SCYL3: variants seen among roughly 807,000 people sequenced by gnomAD.
SCYL3 encodes protein-associating with the carboxyl-terminal domain of ezrin.
In SCYL3, 35 loss-of-function variants were observed where a neutral mutation model predicts 73.8. That is an observed-to-expected ratio of 0.47 (90% CI 0.36 to 0.63). The LOEUF is 0.63. SCYL3 is among the 20% of genes least tolerant of loss of function. The pLI is 0.00. For synonymous variants in SCYL3, 277 were observed against 295.2 expected, an observed-to-expected ratio of 0.94 and a Z score of 0.63; for missense variants, 712 against 798.9, an observed-to-expected ratio of 0.89 and a Z score of 1.31.
chr1:169,862,684 G>A lies in SCYL3; in HGVS notation c.1069C>T (p.Leu357=). The change falls in exon 10 of 13, where the codon CTG becomes TTG. Residue 357 remains leucine (L), a synonymous_variant. Transcript: ENST00000367771. ...EVHEEHVRMV[L]LSHIEAYVEH... ...ACGTAGGCCTCGATGTGAGACAGCA[G>A]CACCATCCGCACATGCTCTTCATGA... is the stretch of plus-strand genomic sequence containing the variant. The A allele has an allele frequency of 6.2e-7, 1 of 1,614,190 alleles. No individual in the cohort carries two copies.
intron 1 of SCYL3, among the ~76,000 whole-genome samples, chr1:169,893,412 T>C (rs1662222089): frequency 6.6e-6 from 1 of 151,980 alleles, no homozygotes; most frequent in Non-Finnish European, 1.5e-5. Flanking sequence ...CTCGCCCTGC[T>C]TGCCGCGACC....
intron 2 of SCYL3, among the ~76,000 whole-genome samples, chr1:169,879,365 G>A (rs12047936): frequency 0.027 from 4,158 of 152,270 alleles, 210 homozygotes; most frequent in East Asian, 0.22. Context: ...GTGAGTATGA[G>A]GAGGGTATCC....
intron 2 of SCYL3, among the ~76,000 whole-genome samples, chr1:169,880,886 C>T (rs1031360504): frequency 3.9e-5 from 6 of 151,966 alleles, no homozygotes; most frequent in African/African-American, 1.2e-4. Flanking sequence ...CTCAGCCTCC[C>T]GAGTAGCTGG....
chr1:169,874,336 CA>C (rs2102179986), intron 4 of SCYL3, among the ~76,000 whole-genome samples: 1 of 152,286 alleles, frequency 6.6e-6, no homozygotes, highest in East Asian at 1.9e-4. Flanking sequence ...TTTCTGCCCC[CA>C]ATCAGGTGCT....
At chr1:169,883,005 C>G (rs1661405231) in intron 2 of SCYL3, among the ~76,000 whole-genome samples, 1 of 152,138 alleles carries the variant, frequency 6.6e-6, no homozygotes, top group Non-Finnish European at 1.5e-5. Context: ...TGCAATAAAT[C>G]TTGTTGCTGC....
In SCYL3 at chr1:169,873,793, TG is replaced by T. The variant is rs745680466; in HGVS notation, c.466-42del. Reference sequence around the variant, plus strand: ...AATTAAAGAAAATGATTCATACATATGTTTGGTGAACTAATCTCTTACATCA... The same window carrying T: ...AATTAAAGAAAATGATTCATACATATTTTGGTGAACTAATCTCTTACATCA... On this transcript the variant is annotated intron_variant, in intron 4 of 12. Coordinates refer to ENST00000367771, the MANE Select transcript of SCYL3 (RefSeq NM_020423.7). 9.7e-6 allele frequency: 14 copies of T among 1,436,256 alleles called. 2 individuals are homozygous for T. The highest frequency in any genetic ancestry group is 9.8e-7 in the Non-Finnish European group (1 of 1,024,626). 89.0% of individuals were successfully genotyped at this position (1,436,256 alleles called of 1,614,324 possible). A position where few individuals can be genotyped will look rare whatever the true frequency, so the allele number is the denominator to read the frequency against.
rs1660085859 is a variant in SCYL3 at position 169,867,119 on chromosome 1, T to C, written c.738-146A>G. ...AAAGATTCTATTACAACTAAGTAGCTTATGAGACAAATACTATGGAACACG... is the reference window on the plus strand; with the variant it reads ...AAAGATTCTATTACAACTAAGTAGCCTATGAGACAAATACTATGGAACACG... On this transcript the variant is annotated intron_variant, in intron 7 of 12. Coordinates refer to ENST00000367771, the MANE Select transcript of SCYL3 (RefSeq NM_020423.7). 6.9e-6 allele frequency: 4 copies of C among 576,608 alleles called. No individual in the cohort carries two copies. In the Admixed American group the frequency reaches 1.4e-4, roughly 21 times the overall value. The allele number at this position is 576,608 out of a possible 1,614,324, so 35.7% of individuals were successfully genotyped here. A position where few individuals can be genotyped will look rare whatever the true frequency, so the allele number is the denominator to read the frequency against.
chr1:169,888,727 T>A lies in SCYL3; in HGVS notation c.114A>T (p.Ser38=). Residue 38 remains serine (S), a synonymous_variant, in exon 2 of 13, where the codon TCA becomes TCT. Transcript: ENST00000367771. ...PAVLQDGKFA[S]VFVYKRENED... is the part of the protein sequence containing the mutation. ...CATTTTCTCTCTTATACACAAAAAC[T>A]GAAGCAAATTTGCCATCTTGCAGTA... The A allele has an allele frequency of 1.2e-6, 2 of 1,614,144 alleles. No homozygotes were observed. The highest frequency in any genetic ancestry group is 8.5e-7 in the Non-Finnish European group (1 of 1,180,002).
In SCYL3 at chr1:169,859,029, A is replaced by G; in HGVS notation, c.1312+12T>C. 2 of 1,610,234 alleles carry G rather than the reference A, an allele frequency of 1.2e-6. No homozygotes were observed. The highest frequency in any genetic ancestry group is 1.7e-6 in the Non-Finnish European group (2 of 1,178,764). ...TGACACACAAAAAGTTAGACCTTTT[A>G]ATAATTCTTACCTTCTAGAGAAAGG... On this transcript the variant is annotated intron_variant, in intron 11 of 12. Coordinates refer to ENST00000367771, the MANE Select transcript of SCYL3 (RefSeq NM_020423.7).
At chr1:169,893,690 G>C (rs953789501) in intron 1 of SCYL3, 98 bp downstream of exon 1, 4 of 151,352 alleles carry the variant, frequency 2.6e-5, no homozygotes, top group Admixed American at 2.6e-4. Context: ...GCAGACCCGC[G>C]AGCGGGGCGC....
chr1:169,852,871 G>A lies in SCYL3; in HGVS notation c.*842C>T. 6.2e-7 allele frequency: 1 copy of A among 1,614,134 alleles called. No homozygotes were observed. Among genetic ancestry groups the A allele is most frequent in the Non-Finnish European group, 8.5e-7 (1 of 1,180,006 alleles). On this transcript the variant is annotated 3_prime_UTR_variant, in exon 13 of 13. Transcript: ENST00000367771. ...GCTGCATACAATAGCAGGGGCTTTG[G>A]AAGCAACTGAGTCACTACTCCAAAA...
intron 2 of SCYL3, among the ~76,000 whole-genome samples, chr1:169,881,143 G>A (rs1661217436): frequency 6.6e-6 from 1 of 152,200 alleles, no homozygotes; most frequent in East Asian, 1.9e-4. Flanking sequence ...GGTTTTCAAT[G>A]TGTGTGAATG....
At chr1:169,868,900 CT>C (rs777223276) in intron 7 of SCYL3, 27 bp downstream of exon 7, 1 of 1,542,550 alleles carries the variant, frequency 6.5e-7, no homozygotes, top group Non-Finnish European at 9.0e-7. Flanking sequence ...CCGGAAGCAG[CT>C]GGCGTCACCA....
chr1:169,862,663 A>G lies in SCYL3; in HGVS notation c.1090T>C (p.Tyr364His). The G allele has an allele frequency of 6.2e-7, 1 of 1,614,154 alleles. No individual in the cohort carries two copies. The highest frequency in any genetic ancestry group is 8.5e-7 in the Non-Finnish European group (1 of 1,180,024). The change falls in exon 10 of 13, where the codon TAC becomes CAC. Residue 364 changes from tyrosine (Y) to histidine (H), a missense_variant. Transcript: ENST00000367771. ...TGCTCCTGAGTGAAGTGCTCCACGTAGGCCTCGATGTGAGACAGCAGCACC... is the reference window on the plus strand; with the variant it reads ...TGCTCCTGAGTGAAGTGCTCCACGTGGGCCTCGATGTGAGACAGCAGCACC... ...RMVLLSHIEA[Y>H]VEHFTQEQLK...
In SCYL3 at chr1:169,865,745, C is replaced by CTTATCTTTAA. The variant is rs563540228; in HGVS notation, c.815+1150_815+1151insTTAAAGATAA. Among the ~76,000 whole-genome samples, 143 of 152,292 alleles carry CTTATCTTTAA rather than the reference C, an allele frequency of 9.4e-4. 1 individual carries two copies. The highest frequency in any genetic ancestry group is 3.4e-3 in the Middle Eastern group (1 of 294). On this transcript the variant is annotated intron_variant, in intron 8 of 12. Transcript: ENST00000367771. The stretch of plus-strand genomic sequence containing the variant: ...ACAGCTCTTGCTAAGATAAAGTTAC[C>CTTATCTTTAA]AGTGTCTTCCTAACTACTAAATGAA...
intron 5 of SCYL3, among the ~76,000 whole-genome samples, chr1:169,872,245 A>G (rs189254648): frequency 6.6e-6 from 1 of 152,350 alleles, no homozygotes; most frequent in African/African-American, 2.4e-5. Flanking sequence ...CGCTCTAGCC[A>G]TGGCAGAAAG....
chr1:169,862,511 T>G, intron 10 of SCYL3, 102 bp downstream of exon 10: 1 of 1,265,790 alleles, frequency 7.9e-7, no homozygotes, highest in South Asian at 1.4e-5. Context: ...GACTGCTGCC[T>G]GAAGGCTTTC....
At position 169,852,498 on chromosome 1, in the gene SCYL3, T is replaced by G. The variant is rs1179683200; in HGVS notation, c.*1215A>C. 2.6e-6 allele frequency: 1 copy of G among 388,852 alleles called. No homozygotes were observed. Among genetic ancestry groups the G allele is most frequent in the East Asian group, 4.9e-5 (1 of 20,586 alleles). 24.1% of individuals were successfully genotyped at this position (388,852 alleles called of 1,614,324 possible). ...CATTTATGAACTTGTTTATAAGACA[T>G]GTAAGCTTGGACTATGCAGCACTTC... On this transcript the variant is annotated 3_prime_UTR_variant, in exon 13 of 13. Transcript: ENST00000367771.
chr1:169,856,057 T>G, intron 11 of SCYL3: 1 of 985,614 alleles, frequency 1.0e-6, no homozygotes, highest in South Asian at 1.6e-5. Flanking sequence ...TGGGTATATT[T>G]TTATACATAT....
Sources: allele counts gnomAD v4.1 joint callset (sites outside exome capture counted in the v4.1 genomes callset), GRCh38; gene constraint gnomAD v4.1.1; transcripts MANE v1.5; gene names NCBI Gene and HGNC (gene_info 2026-07-23, HGNC 2026-07-21).